The following DPYD variants were observed in gnomAD, a reference collection of about 807,000 sequenced individuals.
The protein encoded by DPYD is dihydropyrimidine dehydrogenase.
DPYD carries 109 observed loss-of-function variants against 116.2 expected under a neutral mutation model. The ratio of observed to expected loss-of-function variants is 0.94; its 90% CI spans 0.80 to 1.10. The LOEUF is 1.10. DPYD is among the 50% of genes least tolerant of loss of function. The pLI is 0.00. For synonymous variants in DPYD, 440 were observed against 432.0 expected, an observed-to-expected ratio of 1.02 and a Z score of -0.23; for missense variants, 1,302 against 1,254.5, an observed-to-expected ratio of 1.04 and a Z score of -0.57.
intron 8 of DPYD, among the ~76,000 whole-genome samples, chr1:97,620,678 T>G (rs1656581189): frequency 6.6e-6 from 1 of 152,186 alleles, no homozygotes; most frequent in South Asian, 2.1e-4. Flanking sequence ...ACCTTTTATA[T>G]TGTTCATAAT....
chr1:97,547,032 T>G, intron 12 of DPYD: 1 of 1,343,466 alleles, frequency 7.4e-7, no homozygotes, highest in Middle Eastern at 2.5e-4. Context: ...AAGTTTATCA[T>G]AAACCAGAAA....
chr1:97,721,445 G>C, intron 5 of DPYD, 65 bp downstream of exon 5: 1 of 1,590,878 alleles, frequency 6.3e-7, no homozygotes. Context: ...AAGGATTAAA[G>C]TTATTTTAAG....
chr1:97,387,035 A>AT (rs1672385387), intron 14 of DPYD, among the ~76,000 whole-genome samples: 1 of 152,148 alleles, frequency 6.6e-6, no homozygotes, highest in African/African-American at 2.4e-5. Flanking sequence ...TTAGAAATAA[A>AT]TACCCAATGA....
At chr1:97,514,508 T>C (rs1328427545) in intron 13 of DPYD, among the ~76,000 whole-genome samples, 2 of 151,892 alleles carry the variant, frequency 1.3e-5, no homozygotes, top group Non-Finnish European at 2.9e-5. Flanking sequence ...TCAGTAATTC[T>C]TAACGAATCA....
intron 2 of DPYD, among the ~76,000 whole-genome samples, chr1:97,851,873 T>C (rs1670585746): frequency 3.3e-5 from 5 of 151,892 alleles, no homozygotes; most frequent in Admixed American, 2.6e-4. Flanking sequence ...AAGAAAATGC[T>C]TAAAGCTTGC....
chr1:97,081,704 TTTC>T (rs1649159343), intron 22 of DPYD, among the ~76,000 whole-genome samples: 1 of 140,736 alleles, frequency 7.1e-6, no homozygotes, highest in Non-Finnish European at 1.6e-5. Flanking sequence ...TTCTTTTTCT[TTTC>T]TTTTCTTTTC....
At chr1:97,873,769 A>G (rs1671773263) in intron 2 of DPYD, among the ~76,000 whole-genome samples, 2 of 151,946 alleles carry the variant, frequency 1.3e-5, no homozygotes, top group Admixed American at 6.6e-5. Context: ...CACCAAAAGC[A>G]GTGTTTAACA....
chr1:97,837,723 A>G (rs1202404373), intron 2 of DPYD, among the ~76,000 whole-genome samples: 1 of 152,176 alleles, frequency 6.6e-6, no homozygotes, highest in Non-Finnish European at 1.5e-5. Flanking sequence ...AAATAGATCA[A>G]TATGGAAAAG....
chr1:97,719,483 A>C (rs1662803150), intron 5 of DPYD, among the ~76,000 whole-genome samples: 1 of 152,024 alleles, frequency 6.6e-6, no homozygotes, highest in South Asian at 2.1e-4. Context: ...TGTTTTATCA[A>C]ACAATCAAAA....
At chr1:97,313,932 T>C (rs557156316) in intron 16 of DPYD, among the ~76,000 whole-genome samples, 1 of 152,088 alleles carries the variant, frequency 6.6e-6, no homozygotes, top group Non-Finnish European at 1.5e-5. Flanking sequence ...AAATACCATG[T>C]TGAATGAAAG....
chr1:97,451,116 C>A (rs568697881), intron 13 of DPYD, among the ~76,000 whole-genome samples: 1 of 152,146 alleles, frequency 6.6e-6, no homozygotes, highest in South Asian at 2.1e-4. Context: ...AACATGAACC[C>A]CCATTAGTAT....
intron 1 of DPYD, among the ~76,000 whole-genome samples, chr1:97,915,998 T>C (rs1674193354): frequency 6.6e-6 from 1 of 152,308 alleles, no homozygotes; most frequent in Middle Eastern, 3.4e-3. Flanking sequence ...TGATCAGACA[T>C]CTTTATTTTA....
intron 20 of DPYD, among the ~76,000 whole-genome samples, chr1:97,149,664 TA>T (rs1654880899): frequency 6.6e-6 from 1 of 152,170 alleles, no homozygotes; most frequent in African/African-American, 2.4e-5. Flanking sequence ...CAATGAAAAG[TA>T]AAAATCCAAG....
intron 8 of DPYD, among the ~76,000 whole-genome samples, chr1:97,647,414 G>T (rs1658329764): frequency 6.6e-6 from 1 of 151,886 alleles, no homozygotes; most frequent in South Asian, 2.1e-4. Context: ...ACATGTAGGA[G>T]ATCATGAAGA....
At chr1:97,886,509 GA>G (rs1223359156) in intron 1 of DPYD, among the ~76,000 whole-genome samples, 2 of 152,022 alleles carry the variant, frequency 1.3e-5, no homozygotes, top group Non-Finnish European at 2.9e-5. Context: ...TGCACACAAG[GA>G]AGAGCAAGCT....
intron 14 of DPYD, among the ~76,000 whole-genome samples, chr1:97,387,774 A>T (rs1160099127): frequency 6.6e-6 from 1 of 152,106 alleles, no homozygotes; most frequent in Non-Finnish European, 1.5e-5. Flanking sequence ...GTTCAAGGGG[A>T]AAAAAGAAGG....
At chr1:97,739,925 C>CT (rs1557923527) in intron 4 of DPYD, among the ~76,000 whole-genome samples, 1 of 151,990 alleles carries the variant, frequency 6.6e-6, no homozygotes, top group East Asian at 1.9e-4. Flanking sequence ...TGCTACAACT[C>CT]TATGAGTCAT....
chr1:97,433,029 C>CTCTAGTT (rs1675269833), intron 14 of DPYD, among the ~76,000 whole-genome samples: 1 of 152,154 alleles, frequency 6.6e-6, no homozygotes, highest in South Asian at 2.1e-4. Context: ...TCTCTCTGCT[C>CTCTAGTT]TCTAGTTTCA....
chr1:97,107,926 G>A (rs1376242137), intron 20 of DPYD, among the ~76,000 whole-genome samples: 1 of 151,936 alleles, frequency 6.6e-6, no homozygotes, highest in Non-Finnish European at 1.5e-5. Flanking sequence ...AAGGGAAAAT[G>A]TTTCACACAG....
Sources: allele counts gnomAD v4.1 joint callset (sites outside exome capture counted in the v4.1 genomes callset), GRCh38; gene constraint gnomAD v4.1.1; transcripts MANE v1.5; gene names NCBI Gene and HGNC (gene_info 2026-07-23, HGNC 2026-07-21).